KHDC1: variants seen among roughly 807,000 people sequenced by gnomAD.
The protein encoded by KHDC1 is KH domain containing 1, also known as KH homology domain-containing protein 1.
In KHDC1, 21 loss-of-function variants were observed where a neutral mutation model predicts 24.7. The observed-to-expected ratio is 0.85, with a 90% CI of 0.60 to 1.23. The LOEUF (loss-of-function observed/expected upper bound fraction) is 1.23, where lower values mean the gene tolerates loss of function less well. KHDC1 is among the 50% of genes most tolerant of loss of function. KHDC1 has a pLI of 0.00. For missense variants in KHDC1, 274 were observed against 298.5 expected, an observed-to-expected ratio of 0.92 and a Z score of 0.61; for synonymous variants, 98 against 111.7, an observed-to-expected ratio of 0.88 and a Z score of 0.77.
intron 2 of KHDC1, chr6:73,268,962 G>A (rs1398582385): frequency 1.3e-5 from 2 of 154,702 alleles, no homozygotes; most frequent in Non-Finnish European, 2.9e-5. Flanking sequence ...ACAGGAGCCC[G>A]TGGAGTGGGT....
chr6:73,241,400 A>C (rs747755706), exon 5 of KHDC1: 32 of 794,342 alleles, frequency 4.0e-5, no homozygotes, highest in Admixed American at 2.2e-4. Flanking sequence ...ACATGTCTAG[A>C]AGACCTGAGA....
intron 2 of KHDC1, among the ~76,000 whole-genome samples, chr6:73,248,038 C>T (rs1363268150): frequency 2.0e-5 from 3 of 152,084 alleles, no homozygotes; most frequent in African/African-American, 7.2e-5. Context: ...CAGGCTGTTT[C>T]CCCCAGAGTG....
intron 2 of KHDC1, among the ~76,000 whole-genome samples, chr6:73,245,871 C>T (rs1253711993): frequency 2.0e-5 from 3 of 152,154 alleles, no homozygotes; most frequent in Non-Finnish European, 2.9e-5. Context: ...TATCCTCAAT[C>T]CATTCTCGAG....
chr6:73,309,574 G>A (rs1321278578), exon 1 of KHDC1: 1 of 1,532,844 alleles, frequency 6.5e-7, no homozygotes, highest in South Asian at 1.2e-5. Context: ...GGATCCAAAG[G>A]TGGAAAGACA....
chr6:73,285,138 C>T (rs143687170), intron 2 of KHDC1, among the ~76,000 whole-genome samples: 21 of 152,088 alleles, frequency 1.4e-4, no homozygotes, highest in East Asian at 7.8e-4. Flanking sequence ...AGCCACCCAG[C>T]GTGTCTGTTA....
intron 2 of KHDC1, among the ~76,000 whole-genome samples, chr6:73,259,279 G>GGTTTTTTTTTTTTTTT (rs1214004322): frequency 9.3e-6 from 1 of 107,498 alleles, no homozygotes; most frequent in Non-Finnish European, 1.8e-5. Flanking sequence ...AATCCAATAT[G>GGTTTTTTTTTTTTTTT]CTTTTTTTTT....
intron 2 of KHDC1, chr6:73,268,931 T>TC (rs1779171958): frequency 6.5e-6 from 1 of 154,528 alleles, no homozygotes; most frequent in African/African-American, 2.4e-5. Context: ...GGGGTGGTGC[T>TC]CGTCGGGGAG....
chr6:73,291,186 C>A, intron 2 of KHDC1: 2 of 480,332 alleles, frequency 4.2e-6, no homozygotes, highest in Non-Finnish European at 8.3e-6. Context: ...GATTGGAGCA[C>A]TTAGCCTACC....
chr6:73,307,072 G>A lies in KHDC1; in HGVS notation c.163+2480C>T, dbSNP rs188141048. On this transcript the variant is annotated intron_variant, in intron 1 of 4. Coordinates refer to ENST00000370384, the Ensembl canonical transcript of KHDC1. ...GAAGACACAACTACCTTTTGAAAAT[G>A]TTTTTCCTTTTACCCTGGAAAGAAC... Among the ~76,000 whole-genome samples the A allele has an allele frequency of 1.8e-4, 28 of 152,136 alleles. No homozygotes were observed. In the East Asian group the frequency reaches 4.5e-3, roughly 24 times the overall value.
intron 2 of KHDC1, among the ~76,000 whole-genome samples, chr6:73,247,311 A>G (rs932168399): frequency 6.6e-6 from 1 of 152,110 alleles, no homozygotes; most frequent in Non-Finnish European, 1.5e-5. Flanking sequence ...AGTGGTTGAA[A>G]TGTATTGGGA....
chr6:73,300,726 CTAAA>C (rs1276035539), intron 1 of KHDC1: 1 of 152,156 alleles, frequency 6.6e-6, no homozygotes, highest in Non-Finnish European at 1.5e-5. Flanking sequence ...AGTGGGTTGA[CTAAA>C]TACTGGAAGT....
chr6:73,242,219 A>C (rs780363800), exon 4 of KHDC1: 9 of 1,613,554 alleles, frequency 5.6e-6, no homozygotes, highest in Non-Finnish European at 7.6e-6. Flanking sequence ...AATGCAGCGA[A>C]GGTATGTGTC....
At chr6:73,287,527 A>G (rs555223611) in intron 2 of KHDC1, among the ~76,000 whole-genome samples, 2 of 152,332 alleles carry the variant, frequency 1.3e-5, no homozygotes, top group South Asian at 4.1e-4. Context: ...GACATACGCC[A>G]GTTTCCAGAT....
chr6:73,280,157 T>C (rs1767377021), intron 2 of KHDC1, among the ~76,000 whole-genome samples: 1 of 152,068 alleles, frequency 6.6e-6, no homozygotes, highest in Non-Finnish European at 1.5e-5. Context: ...ATATATCCTT[T>C]TTTGTTTTAT....
At chr6:73,309,513 A>C in intron 1 of KHDC1, 1 of 1,484,178 alleles carries the variant, frequency 6.7e-7, no homozygotes. Context: ...CACCTGGGTG[A>C]AGGAAGCTTT....
rs116940689 is a variant in KHDC1, at chr6:73,259,758, G to C, written c.207-17228C>G. On this transcript the variant is annotated intron_variant, in intron 2 of 4. Transcript: ENST00000370384. ...GAGAGCTTGACAAGGTTTTTGCTAT[G>C]GTTGAGACATCAATCTCTTTTGTAA... is the stretch of plus-strand genomic sequence containing the variant. Among the ~76,000 whole-genome samples the C allele has an allele frequency of 4.0e-3, 606 of 152,290 alleles. 3 individuals carry two copies. The highest frequency in any genetic ancestry group is 6.5e-3 in the Non-Finnish European group (444 of 68,034).
chr6:73,295,691 C>G lies in KHDC1; in HGVS notation c.164-3651G>C, dbSNP rs183874088. 4.0e-5 allele frequency among the ~76,000 whole-genome samples: 6 copies of G among 151,864 alleles called. No individual in the cohort carries two copies. In the East Asian group the frequency reaches 1.2e-3, roughly 29 times the overall value. ...TGAAACCCCATCTTTACTAATGATA[C>G]AAAAATTAGCTGGGCCTGGTGGCAC... On this transcript the variant is annotated intron_variant, in intron 1 of 4. Transcript: ENST00000370384.
chr6:73,292,542 A>G (rs989291489), intron 1 of KHDC1: 2 of 768,710 alleles, frequency 2.6e-6, no homozygotes, highest in East Asian at 4.9e-5. Flanking sequence ...TGGTTAAAAG[A>G]GACCATAGAT....
intron 1 of KHDC1, chr6:73,292,608 A>C: frequency 1.3e-6 from 1 of 760,964 alleles, no homozygotes. Context: ...TGGCTCGTTC[A>C]CTGGTCTCTG....
Sources: allele counts gnomAD v4.1 joint callset (sites outside exome capture counted in the v4.1 genomes callset), GRCh38; gene constraint gnomAD v4.1.1; transcripts MANE v1.5; gene names NCBI Gene and HGNC (gene_info 2026-07-23, HGNC 2026-07-21).